ZNF385D: variants seen among roughly 807,000 people sequenced by gnomAD.
ZNF385D encodes the protein zinc finger protein 385D.
In ZNF385D, 15 loss-of-function variants were observed where a neutral mutation model predicts 35.8. The observed-to-expected ratio is 0.42, with a 90% CI of 0.28 to 0.64. The LOEUF (loss-of-function observed/expected upper bound fraction) is 0.64, where lower values mean the gene tolerates loss of function less well. ZNF385D is among the 30% of genes least tolerant of loss of function. ZNF385D has a pLI of 0.23. For synonymous variants in ZNF385D, 212 were observed against 186.8 expected (o/e 1.13, Z -1.10); for missense variants, 474 against 494.6 (o/e 0.96, Z 0.39).
intron 3 of ZNF385D, among the ~76,000 whole-genome samples, chr3:21,758,975 CAAAAAAAAAAAAAA>C (rs58450064): frequency 4.1e-4 from 12 of 29,228 alleles, no homozygotes; most frequent in South Asian, 2.5e-3. Flanking sequence ...TCATCACTGG[CAAAAAAAAAAAAAA>C]AAAAAAAAAA....
intron 2 of ZNF385D, among the ~76,000 whole-genome samples, chr3:21,571,547 AC>A (rs1280612766): frequency 1.3e-5 from 2 of 152,132 alleles, no homozygotes; most frequent in Middle Eastern, 3.2e-3. Flanking sequence ...AATGGTTGTT[AC>A]AGTACTGCAA....
intron 2 of ZNF385D, among the ~76,000 whole-genome samples, chr3:22,204,545 A>G (rs1176674333): frequency 6.6e-6 from 1 of 152,126 alleles, no homozygotes; most frequent in Non-Finnish European, 1.5e-5. Flanking sequence ...CCAGAGAGAC[A>G]GAAATATGTG....
chr3:22,295,123 T>C (rs933783707), intron 2 of ZNF385D, among the ~76,000 whole-genome samples: 9 of 152,146 alleles, frequency 5.9e-5, no homozygotes, highest in Admixed American at 6.6e-5. Context: ...ATGCTGTTAA[T>C]AACTTGTTTG....
chr3:21,833,580 T>G (rs1460072465), intron 3 of ZNF385D, among the ~76,000 whole-genome samples: 2 of 152,182 alleles, frequency 1.3e-5, no homozygotes, highest in Admixed American at 6.5e-5. Context: ...CCGCTTGATT[T>G]TGGACTTCTG....
chr3:21,578,429 A>T (rs1445748300), intron 2 of ZNF385D, among the ~76,000 whole-genome samples: 1 of 152,006 alleles, frequency 6.6e-6, no homozygotes, highest in South Asian at 2.1e-4. Flanking sequence ...GTGTTTTCCT[A>T]TGTTTACTTC....
rs1041979916 is a variant in ZNF385D, at chr3:21,693,321, C to T, written c.23-28293G>A. On this transcript the variant is annotated intron_variant, in intron 1 of 7. Transcript: ENST00000281523. ...ATTGTCCACAGCAACGCAGAGGAAC[C>T]CAGTGTTACTGAGCCTAGTTGCCCA... 5.3e-5 allele frequency among the ~76,000 whole-genome samples: 8 copies of T among 152,184 alleles called. No individual in the cohort carries two copies. In the East Asian group the frequency reaches 5.8e-4, roughly 11 times the overall value.
rs575245157 is a variant in ZNF385D at position 22,132,525 on chromosome 3, T to C, written c.325+36292A>G. ...TAAGATATAGGTAAGTTTCAGAGGA[T>C]AGTTGGCAGAATCAATGCAAAAAAT... On this transcript the variant is annotated intron_variant, in intron 3 of 5. Transcript: ENST00000494108. Among the ~76,000 whole-genome samples, 78 of 152,258 alleles carry C rather than the reference T, an allele frequency of 5.1e-4. No homozygotes were observed. In the Middle Eastern group the frequency reaches 0.01, roughly 20 times the overall value.
At chr3:22,286,493 T>C (rs1226396981) in intron 2 of ZNF385D, among the ~76,000 whole-genome samples, 1 of 152,148 alleles carries the variant, frequency 6.6e-6, no homozygotes, top group Non-Finnish European at 1.5e-5. Context: ...TAATGTTAGA[T>C]TGCTCATTTG....
At chr3:22,130,933 A>C (rs752371556) in intron 3 of ZNF385D, among the ~76,000 whole-genome samples, 4 of 152,144 alleles carry the variant, frequency 2.6e-5, no homozygotes, top group African/African-American at 9.7e-5. Flanking sequence ...ATACTAGTGT[A>C]GGCATTAATT....
intron 3 of ZNF385D, among the ~76,000 whole-genome samples, chr3:22,090,094 T>G (rs887880588): frequency 1.3e-5 from 2 of 152,150 alleles, no homozygotes; most frequent in African/African-American, 4.8e-5. Flanking sequence ...TTCCTCGGCC[T>G]CCCAAAGTGC....
At chr3:22,024,554 T>A (rs551052764) in intron 3 of ZNF385D, among the ~76,000 whole-genome samples, 5 of 152,130 alleles carry the variant, frequency 3.3e-5, no homozygotes, top group African/African-American at 9.7e-5. Context: ...ATTAATAGTA[T>A]GGAGAACTGT....
chr3:22,147,219 C>T (rs1478451626), intron 3 of ZNF385D, among the ~76,000 whole-genome samples: 3 of 152,136 alleles, frequency 2.0e-5, no homozygotes, highest in Non-Finnish European at 4.4e-5. Context: ...TCTGGCTTTC[C>T]TAAACCATTT....
intron 3 of ZNF385D, among the ~76,000 whole-genome samples, chr3:22,085,338 T>A (rs534557782): frequency 1.3e-5 from 2 of 151,654 alleles, no homozygotes; most frequent in South Asian, 4.2e-4. Flanking sequence ...ACAAGACTAA[T>A]AAAGAAGAAA....
chr3:22,103,269 G>A (rs763797578), intron 3 of ZNF385D, among the ~76,000 whole-genome samples: 50 of 150,898 alleles, frequency 3.3e-4, no homozygotes, highest in Non-Finnish European at 6.0e-4. Flanking sequence ...AGTTTCTTGA[G>A]GGCAAGGGCC....
In ZNF385D at chr3:21,422,257, G is replaced by C. The variant is rs143029834; in HGVS notation, c.955-810C>G. On this transcript the variant is annotated intron_variant, in intron 7 of 7. Coordinates refer to ENST00000281523, the MANE Select transcript of ZNF385D (RefSeq NM_024697.3). ...GCTGCATCTGTGCTGGACAGAGATAGCATTCAGGGTTATGACTAGTGGTGC... is the reference window on the plus strand; with the variant it reads ...GCTGCATCTGTGCTGGACAGAGATACCATTCAGGGTTATGACTAGTGGTGC... Among the ~76,000 whole-genome samples, 887 of 152,302 alleles carry C rather than the reference G, an allele frequency of 5.8e-3. 4 individuals carry two copies. The highest frequency in any genetic ancestry group is 9.5e-3 in the Non-Finnish European group (645 of 68,018).
chr3:22,006,357 T>G (rs1696203623), intron 3 of ZNF385D, among the ~76,000 whole-genome samples: 1 of 152,136 alleles, frequency 6.6e-6, no homozygotes, highest in Non-Finnish European at 1.5e-5. Context: ...TTCTACATGT[T>G]TTTCAAGTAA....
At chr3:21,710,143 G>T (rs970614304) in intron 1 of ZNF385D, among the ~76,000 whole-genome samples, 3 of 152,090 alleles carry the variant, frequency 2.0e-5, no homozygotes, top group Non-Finnish European at 4.4e-5. Context: ...GGGTATGGGG[G>T]TATGGTTTAG....
At chr3:21,493,946 A>C in intron 4 of ZNF385D, among the ~76,000 whole-genome samples, 1 of 152,174 alleles carries the variant, frequency 6.6e-6, no homozygotes, top group East Asian at 1.9e-4. Flanking sequence ...TTGAAAAATT[A>C]ACATTTGACT....
intron 2 of ZNF385D, among the ~76,000 whole-genome samples, chr3:21,598,287 A>G (rs925329656): frequency 1.3e-5 from 2 of 152,186 alleles, no homozygotes; most frequent in Non-Finnish European, 2.9e-5. Flanking sequence ...TAGACTTAAA[A>G]TAGTGTTTCA....
Sources: gnomAD v4.1 joint callset for allele counts (sites outside exome capture counted in the v4.1 genomes callset) on GRCh38, gnomAD v4.1.1 for gene constraint, MANE v1.5 for transcripts, NCBI Gene and HGNC (gene_info 2026-07-23, HGNC 2026-07-21) for gene names.